The following TULP4 variants were observed in gnomAD, a reference collection of about 807,000 sequenced individuals.
TULP4 encodes TUB like protein 4.
In TULP4, 16 loss-of-function variants were observed where a neutral mutation model predicts 129.0. The ratio of observed to expected loss-of-function variants is 0.12; its 90% CI spans 0.08 to 0.19. The LOEUF (loss-of-function observed/expected upper bound fraction) is 0.19, where lower values mean the gene tolerates loss of function less well. Among genes scored for constraint, TULP4 ranks in the 10% least tolerant of loss-of-function variants. The pLI, the probability that TULP4 is intolerant of heterozygous loss-of-function variation, is 1.00. For missense variants in TULP4, 1,842 were observed against 2,059.1 expected, an observed-to-expected ratio of 0.89 and a Z score of 2.04; for synonymous variants, 998 against 854.0, an observed-to-expected ratio of 1.17 and a Z score of -2.94.
intron 6 of TULP4, among the ~76,000 whole-genome samples, chr6:158,470,488 T>C (rs999938759): frequency 1.3e-5 from 2 of 152,238 alleles, no homozygotes; most frequent in Non-Finnish European, 2.9e-5. Context: ...TTACCTCCTG[T>C]TTTTGCCTAA....
At position 158,362,268 on chromosome 6, in the gene TULP4, C is replaced by T. The variant is rs200528699; in HGVS notation, c.252+48000C>T. Among the ~76,000 whole-genome samples the T allele has an allele frequency of 4.6e-5, 7 of 152,322 alleles. No individual in the cohort carries two copies. The East Asian group carries it at 1.3e-3, about 29-fold the overall frequency. On this transcript the variant is annotated intron_variant, in intron 1 of 13. Transcript: ENST00000367097. Reference sequence around the variant, plus strand: ...AACACCAAACTTCTTCCAGTGAAGTCTGATACTGTTGTAGTTACTGACAGC... The same window carrying T: ...AACACCAAACTTCTTCCAGTGAAGTTTGATACTGTTGTAGTTACTGACAGC...
chr6:158,464,726 T>C (rs651333), intron 6 of TULP4, among the ~76,000 whole-genome samples: 63,545 of 152,054 alleles, frequency 0.42, 14,581 homozygotes, highest in African/African-American at 0.62. Flanking sequence ...CAGATGAAAC[T>C]ACTTAAGTAG....
intron 1 of TULP4, among the ~76,000 whole-genome samples, chr6:158,341,087 C>T (rs1780170868): frequency 6.6e-6 from 1 of 152,134 alleles, no homozygotes; most frequent in Non-Finnish European, 1.5e-5. Flanking sequence ...TCCCTCCTCC[C>T]CACAACCCTT....
In TULP4 at chr6:158,425,273, G is replaced by C. The variant is rs191985291; in HGVS notation, c.382-4463G>C. ...TCACACATGTAATCCCAGCACTTTG[G>C]GAAGCCGAGGAGGGCCGATCACCTG... is the stretch of plus-strand genomic sequence containing the variant. On this transcript the variant is annotated intron_variant, in intron 2 of 13. Coordinates refer to ENST00000367097, the MANE Select transcript of TULP4 (RefSeq NM_020245.5). Among the ~76,000 whole-genome samples, 1,098 of 151,812 alleles carry C rather than the reference G, an allele frequency of 7.2e-3. 6 individuals carry two copies. The highest frequency in any genetic ancestry group is 0.012 in the Non-Finnish European group (804 of 67,938).
At chr6:158,487,436 C>T (rs1780098139) in intron 8 of TULP4, among the ~76,000 whole-genome samples, 2 of 152,134 alleles carry the variant, frequency 1.3e-5, no homozygotes, top group Non-Finnish European at 2.9e-5. Context: ...CAGAGCGAGA[C>T]TCCATCTCCC....
chr6:158,385,587 G>A (rs1030537099), intron 1 of TULP4, among the ~76,000 whole-genome samples: 1 of 151,318 alleles, frequency 6.6e-6, no homozygotes, highest in Non-Finnish European at 1.5e-5. Context: ...AGTATTATAT[G>A]CAGTATGTAC....
chr6:158,457,438 C>T (rs117502055), intron 5 of TULP4, among the ~76,000 whole-genome samples: 2,007 of 152,250 alleles, frequency 0.013, 23 homozygotes, highest in Middle Eastern at 0.02. Context: ...TTTTGCTTGG[C>T]CGTGGTTTGC....
chr6:158,456,312 T>C (rs577058265), intron 5 of TULP4, among the ~76,000 whole-genome samples: 2 of 152,368 alleles, frequency 1.3e-5, no homozygotes, highest in Admixed American at 6.5e-5. Flanking sequence ...CTTGTCCAGC[T>C]TGCAGCCTGT....
chr6:158,381,224 C>T (rs2114914837), intron 1 of TULP4, among the ~76,000 whole-genome samples: 1 of 149,668 alleles, frequency 6.7e-6, no homozygotes, highest in Admixed American at 6.7e-5. Flanking sequence ...ATTCTGACTT[C>T]TTCTGTGCCT....
intron 1 of TULP4, among the ~76,000 whole-genome samples, chr6:158,395,431 A>C (rs576994183): frequency 2.8e-4 from 42 of 151,990 alleles, no homozygotes; most frequent in African/African-American, 9.9e-4. Flanking sequence ...AAATACAAAA[A>C]TTAGCTGGGC....
At chr6:158,443,393 A>G (rs972590620) in intron 3 of TULP4, among the ~76,000 whole-genome samples, 1 of 152,154 alleles carries the variant, frequency 6.6e-6, no homozygotes, top group Admixed American at 6.5e-5. Context: ...CTGGGATTAC[A>G]GGCATGAGCT....
intron 7 of TULP4, 137 bp from the exon 8 acceptor site, chr6:158,480,918 T>C: frequency 1.4e-6 from 1 of 706,478 alleles, no homozygotes; most frequent in Non-Finnish European, 2.3e-6. Flanking sequence ...ATAGTTACCC[T>C]CTTCCCCAGG....
At chr6:158,372,512 A>G (rs1341959158) in intron 1 of TULP4, among the ~76,000 whole-genome samples, 1 of 152,164 alleles carries the variant, frequency 6.6e-6, no homozygotes, top group South Asian at 2.1e-4. Context: ...TAAAGATTAA[A>G]TTGAATTAAA....
chr6:158,328,136 G>GTGTGTGTGTGTGTGT (rs1554280513), intron 1 of TULP4, among the ~76,000 whole-genome samples: 1 of 109,198 alleles, frequency 9.2e-6, no homozygotes, highest in South Asian at 3.1e-4. Context: ...GTGCGTGCGT[G>GTGTGTGTGTGTGTGT]CTGGGAAAGA....
At position 158,461,653 on chromosome 6, in the gene TULP4, C is replaced by T. The variant is rs1779431140; in HGVS notation, c.950C>T (p.Pro317Leu). The part of the protein sequence containing the change: ...QTQLGELPNG[P>L]LLKSAMVKFY... Reference sequence around the variant, plus strand: ...CAGCTTGGTGAGCTTCCCAATGGTCCCCTTCTGAAGAGTGCCATGGTCAAG... The same window carrying T: ...CAGCTTGGTGAGCTTCCCAATGGTCTCCTTCTGAAGAGTGCCATGGTCAAG... The change falls in exon 6 of 14, where the codon CCC becomes CTC. Residue 317 changes from proline (P) to leucine (L), a missense_variant. Pro to Leu is a moderately conservative substitution (Grantham distance 98). Around this residue, in one of 5 missense-constraint regions of TULP4, gnomAD observed 456 missense variants for 534.3 expected, o/e 0.85. Transcript: ENST00000367097. The T allele has an allele frequency of 3.7e-6, 6 of 1,614,020 alleles. No homozygotes were observed. Among genetic ancestry groups the T allele is most frequent in the East Asian group, 2.2e-5 (1 of 44,866 alleles).
At chr6:158,387,117 A>T (rs567536271) in intron 1 of TULP4, among the ~76,000 whole-genome samples, 29 of 152,258 alleles carry the variant, frequency 1.9e-4, no homozygotes, top group Admixed American at 1.2e-3. Context: ...AGTCCTCAGA[A>T]AAGAGAAGCT....
intron 1 of TULP4, among the ~76,000 whole-genome samples, chr6:158,407,473 T>C (rs1777996818): frequency 6.6e-6 from 1 of 152,082 alleles, no homozygotes; most frequent in Admixed American, 6.6e-5. Context: ...AAGTTGAACA[T>C]AGAATTATCA....
Position 158,493,003 on chromosome 6 carries a change from A to G in TULP4, c.1632-570A>G, listed in dbSNP as rs1780251130. 6.6e-6 allele frequency among the ~76,000 whole-genome samples: 1 copy of G among 152,262 alleles called. No homozygotes were observed. On this transcript the variant is annotated intron_variant, in intron 9 of 13. Coordinates refer to ENST00000367097, the MANE Select transcript of TULP4 (RefSeq NM_020245.5). The surrounding 1 kb of genome is among the most constrained non-coding windows in gnomAD (Gnocchi z 4.4). ...AATTCACACTGTTGCAGAAGAAATT[A>G]TAAGAATCACTGGCATTAGGGTAAG... is the stretch of plus-strand genomic sequence containing the variant.
At chr6:158,327,778 C>A (rs565507210) in intron 1 of TULP4, among the ~76,000 whole-genome samples, 9 of 151,728 alleles carry the variant, frequency 5.9e-5, no homozygotes, top group Non-Finnish European at 1.0e-4. Context: ...CCACCACCAC[C>A]CAGATTTTTT....
Sources: allele counts gnomAD v4.1 joint callset (sites outside exome capture counted in the v4.1 genomes callset), GRCh38; gene constraint gnomAD v4.1.1; regional missense constraint gnomAD v4.1.1; non-coding constraint Gnocchi (gnomAD v3.1); transcripts MANE v1.5; gene names NCBI Gene and HGNC (gene_info 2026-07-23, HGNC 2026-07-21).